The following CFAP95 variants were observed in gnomAD, a reference collection of about 807,000 sequenced individuals.
CFAP95 encodes cilia and flagella associated protein 95.
At chr9:69,831,449 A>G in the CFAP95 span, among the ~76,000 whole-genome samples, 1 of 151,590 alleles carries the variant, frequency 6.6e-6, no homozygotes, top group African/African-American at 2.4e-5. Context: ...TTTTAATTGC[A>G]TTTATTAAAA....
chr9:69,893,572 C>G, the CFAP95 span, among the ~76,000 whole-genome samples: 1 of 152,112 alleles, frequency 6.6e-6, no homozygotes, highest in Non-Finnish European at 1.5e-5. Flanking sequence ...CAGTCTCTTT[C>G]TTTTTCTTTC....
At chr9:69,876,973 A>G in the CFAP95 span, among the ~76,000 whole-genome samples, 2 of 152,336 alleles carry the variant, frequency 1.3e-5, no homozygotes, top group East Asian at 1.9e-4. Flanking sequence ...CTTCCAGTCT[A>G]TGACTTTTCT....
chr9:69,844,676 A>C, the CFAP95 span: 1 of 1,360,228 alleles, frequency 7.4e-7, no homozygotes, highest in Admixed American at 1.8e-5. Context: ...TGTCATAGTG[A>C]AACATAAAAA....
At chr9:69,906,213 G>A in the CFAP95 span, 3 of 1,220,084 alleles carry the variant, frequency 2.5e-6, no homozygotes, top group African/African-American at 3.0e-5. Context: ...CTTAATAAAT[G>A]CAATGGAAGT....
the CFAP95 span, among the ~76,000 whole-genome samples, chr9:69,865,030 G>A: frequency 4.6e-5 from 7 of 152,208 alleles, no homozygotes; most frequent in East Asian, 1.2e-3. Context: ...ATCCCCACAT[G>A]TCAAGGCAAA....
chr9:69,870,610 T>G, the CFAP95 span, among the ~76,000 whole-genome samples: 1 of 152,170 alleles, frequency 6.6e-6, no homozygotes, highest in Admixed American at 6.5e-5. Context: ...AGGGAAGCCC[T>G]CCCCAGGATC....
At chr9:69,822,578 G>A in the CFAP95 span, among the ~76,000 whole-genome samples, 2 of 152,190 alleles carry the variant, frequency 1.3e-5, no homozygotes, top group Non-Finnish European at 1.5e-5. Context: ...AGAGATTTGA[G>A]TCATACCATA....
At chr9:69,820,916 G>C in the CFAP95 span, 1 of 1,614,086 alleles carries the variant, frequency 6.2e-7, no homozygotes, top group Non-Finnish European at 8.5e-7. Context: ...GGACTGGTGC[G>C]ACAGGAAGCA....
At chr9:69,827,806 C>T in the CFAP95 span, among the ~76,000 whole-genome samples, 16 of 152,196 alleles carry the variant, frequency 1.1e-4, no homozygotes, top group African/African-American at 3.1e-4. Context: ...TCACAGCCCC[C>T]GACTTAGGCT....
the CFAP95 span, among the ~76,000 whole-genome samples, chr9:69,851,193 G>A: frequency 6.6e-6 from 1 of 152,120 alleles, no homozygotes; most frequent in Non-Finnish European, 1.5e-5. Context: ...GGGCAATCAT[G>A]TGCATGTATA....
At chr9:69,905,950 A>T in the CFAP95 span, 5 of 1,566,236 alleles carry the variant, frequency 3.2e-6, no homozygotes, top group Non-Finnish European at 4.3e-6. Flanking sequence ...TTTTTCCCCC[A>T]TAGGCTTATC....
chr9:69,852,657 G>GGCT, the CFAP95 span, among the ~76,000 whole-genome samples: 1 of 152,100 alleles, frequency 6.6e-6, no homozygotes, highest in Non-Finnish European at 1.5e-5. Flanking sequence ...AGCAGCCTGT[G>GGCT]GCATCAGAGG....
At chr9:69,892,128 A>C in the CFAP95 span, among the ~76,000 whole-genome samples, 1 of 152,234 alleles carries the variant, frequency 6.6e-6, no homozygotes, top group South Asian at 2.1e-4. Flanking sequence ...TTACTATTTT[A>C]ATCTTTTTTA....
At chr9:69,861,224 A>G in the CFAP95 span, among the ~76,000 whole-genome samples, 1 of 152,212 alleles carries the variant, frequency 6.6e-6, no homozygotes, top group Admixed American at 6.5e-5. Context: ...TTTCAGTTCC[A>G]TTATAATCGT....
At chr9:69,893,909 CTTATCGTGTA>C in the CFAP95 span, among the ~76,000 whole-genome samples, 1 of 152,106 alleles carries the variant, frequency 6.6e-6, no homozygotes, top group Non-Finnish European at 1.5e-5. Flanking sequence ...GCTTATTTAT[CTTATCGTGTA>C]TTATTGACTG....
At chr9:69,841,409 G>C in the CFAP95 span, among the ~76,000 whole-genome samples, 2 of 151,660 alleles carry the variant, frequency 1.3e-5, no homozygotes, top group African/African-American at 4.8e-5. Flanking sequence ...CCAAATTATT[G>C]GATTTGGATT....
chr9:69,843,550 TC>T, the CFAP95 span, among the ~76,000 whole-genome samples: 41 of 21,078 alleles, frequency 1.9e-3, 3 homozygotes, highest in Admixed American at 2.7e-3. Context: ...CTCCTCCTCC[TC>T]CTCCTCCTTC....
the CFAP95 span, among the ~76,000 whole-genome samples, chr9:69,840,550 C>T: frequency 6.6e-6 from 1 of 152,130 alleles, no homozygotes; most frequent in African/African-American, 2.4e-5. Flanking sequence ...GGCCACTGTT[C>T]CCCTAACATA....
At chr9:69,838,276 T>C in the CFAP95 span, among the ~76,000 whole-genome samples, 17 of 152,156 alleles carry the variant, frequency 1.1e-4, no homozygotes, top group African/African-American at 2.4e-4. Context: ...AAGAAAGACA[T>C]TGGTAGCTTG....
Sources: allele counts gnomAD v4.1 joint callset (sites outside exome capture counted in the v4.1 genomes callset), GRCh38; gene constraint gnomAD v4.1.1; transcripts MANE v1.5; gene names NCBI Gene and HGNC (gene_info 2026-07-23, HGNC 2026-07-21).